Variants in PRKG1 observed in about 807,000 individuals in gnomAD.
PRKG1 encodes protein kinase cGMP-dependent 1, also known as cGMP-dependent protein kinase 1.
Under a neutral mutation model 88.1 loss-of-function variants are expected in PRKG1, and 35 were observed. That is an observed-to-expected ratio of 0.40 (90% CI 0.30 to 0.53). The LOEUF is 0.53. PRKG1 is among the 20% of genes least tolerant of loss of function. PRKG1 has a pLI of 0.59. For missense variants in PRKG1, 540 were observed against 839.8 expected (o/e 0.64, Z 4.41); for synonymous variants, 303 against 292.5 (o/e 1.04, Z -0.37).
chr10:51,736,675 C>T (rs1489537155), intron 3 of PRKG1, among the ~76,000 whole-genome samples: 2 of 150,262 alleles, frequency 1.3e-5, no homozygotes, highest in African/African-American at 4.9e-5. Flanking sequence ...GTGGCGCCTT[C>T]ATAGCTCACT....
At chr10:51,404,969 A>T (rs182731591) in intron 2 of PRKG1, among the ~76,000 whole-genome samples, 26 of 152,326 alleles carry the variant, frequency 1.7e-4, no homozygotes, top group African/African-American at 5.1e-4. Flanking sequence ...TTAAGGAAAA[A>T]AAATCACAAA....
At chr10:51,653,145 C>T (rs1376975706) in intron 3 of PRKG1, among the ~76,000 whole-genome samples, 1 of 152,158 alleles carries the variant, frequency 6.6e-6, no homozygotes, top group African/African-American at 2.4e-5. Context: ...CATATCTTAG[C>T]TTTTGTGAAT....
At chr10:51,049,799 T>C (rs1843538328) in intron 1 of PRKG1, among the ~76,000 whole-genome samples, 1 of 152,208 alleles carries the variant, frequency 6.6e-6, no homozygotes, top group South Asian at 2.1e-4. Context: ...GTATTGTCCA[T>C]TTCAATATAT....
chr10:51,886,971 A>G (rs1841585520), intron 4 of PRKG1, among the ~76,000 whole-genome samples: 1 of 140,060 alleles, frequency 7.1e-6, no homozygotes, highest in Non-Finnish European at 1.6e-5. Flanking sequence ...ACACAGAGCC[A>G]AATGTATGCC....
At chr10:51,374,082 CAA>C (rs769407143) in intron 2 of PRKG1, among the ~76,000 whole-genome samples, 4 of 95,600 alleles carry the variant, frequency 4.2e-5, no homozygotes, top group Non-Finnish European at 4.4e-5. Flanking sequence ...GCAGAGGTTG[CAA>C]AAAAAAAAAA....
intron 3 of PRKG1, among the ~76,000 whole-genome samples, chr10:51,547,654 C>A: frequency 6.6e-6 from 1 of 152,136 alleles, no homozygotes; most frequent in Middle Eastern, 3.4e-3. Flanking sequence ...GAGTAATGGT[C>A]TTTTAAAAAA....
At chr10:51,205,304 A>T (rs1838027735) in intron 2 of PRKG1, among the ~76,000 whole-genome samples, 1 of 149,258 alleles carries the variant, frequency 6.7e-6, no homozygotes, top group African/African-American at 2.5e-5. Flanking sequence ...ATGCCCAGCT[A>T]ATTTTTCCGT....
At chr10:51,789,453 C>T (rs994408520) in intron 3 of PRKG1, among the ~76,000 whole-genome samples, 5 of 152,140 alleles carry the variant, frequency 3.3e-5, no homozygotes, top group Non-Finnish European at 7.4e-5. Flanking sequence ...GAGCCTATTG[C>T]AAATGGATCT....
At chr10:51,430,708 A>G (rs1838736654) in intron 2 of PRKG1, among the ~76,000 whole-genome samples, 1 of 152,216 alleles carries the variant, frequency 6.6e-6, no homozygotes, top group Non-Finnish European at 1.5e-5. Context: ...GTATCTATCA[A>G]CTAGTAAGTG....
chr10:51,256,292 G>A lies in PRKG1; in HGVS notation c.478+102962G>A, dbSNP rs77671803. ...CTTTTAGTAAATATTATGAGATAAAGCCCACTTTTTTTTAGTACTCAACAA... is the reference window on the plus strand; with the variant it reads ...CTTTTAGTAAATATTATGAGATAAAACCCACTTTTTTTTAGTACTCAACAA... On this transcript the variant is annotated intron_variant, in intron 2 of 17. Coordinates refer to ENST00000373980, the MANE Select transcript of PRKG1 (RefSeq NM_006258.4). Among the ~76,000 whole-genome samples, 1,019 of 152,124 alleles carry A rather than the reference G, an allele frequency of 6.7e-3. 9 individuals are homozygous for A. Among genetic ancestry groups the A allele is most frequent in the Non-Finnish European group, 0.01 (708 of 67,992 alleles).
intron 2 of PRKG1, among the ~76,000 whole-genome samples, chr10:51,234,240 C>G (rs901236855): frequency 2.6e-5 from 4 of 152,128 alleles, no homozygotes; most frequent in Non-Finnish European, 5.9e-5. Context: ...TGGAACCCAC[C>G]CGTCTTTCTG....
chr10:52,163,460 TATTA>T (rs1379872802), intron 9 of PRKG1, among the ~76,000 whole-genome samples: 2 of 151,918 alleles, frequency 1.3e-5, no homozygotes, highest in African/African-American at 4.8e-5. Context: ...GTTAAGCAAC[TATTA>T]ATTAATAGAA....
At chr10:51,281,864 A>G (rs1329887410) in intron 2 of PRKG1, among the ~76,000 whole-genome samples, 1 of 152,154 alleles carries the variant, frequency 6.6e-6, no homozygotes, top group African/African-American at 2.4e-5. Flanking sequence ...AAAAGCAGTG[A>G]TTCTCTGCTC....
intron 5 of PRKG1, among the ~76,000 whole-genome samples, chr10:51,989,334 C>G (rs2454551): frequency 0.9 from 136,642 of 152,064 alleles, 61,527 homozygotes; most frequent in East Asian, 1. Context: ...TGTTAGTAGA[C>G]AATAGCATCA....
chr10:51,452,302 G>T (rs879808209), intron 2 of PRKG1, among the ~76,000 whole-genome samples: 4 of 151,882 alleles, frequency 2.6e-5, no homozygotes, highest in Non-Finnish European at 4.4e-5. Context: ...GAATTATATT[G>T]CTCTGGCTAG....
intron 4 of PRKG1, among the ~76,000 whole-genome samples, chr10:51,906,447 A>G (rs1356169296): frequency 2.0e-5 from 3 of 152,182 alleles, no homozygotes; most frequent in South Asian, 4.1e-4. Flanking sequence ...ACAGGCAGAC[A>G]TCCATCAGTA....
intron 3 of PRKG1, among the ~76,000 whole-genome samples, chr10:51,616,396 G>A (rs752202442): frequency 1.3e-5 from 2 of 152,180 alleles, no homozygotes; most frequent in Non-Finnish European, 2.9e-5. Context: ...AGTGTCAGGG[G>A]CAGGATAGTC....
At chr10:51,338,665 CT>C (rs1241290484) in intron 2 of PRKG1, among the ~76,000 whole-genome samples, 1 of 152,096 alleles carries the variant, frequency 6.6e-6, no homozygotes, top group African/African-American at 2.4e-5. Flanking sequence ...GATATTGGTT[CT>C]TTTATTCTAA....
At chr10:51,413,591 C>T (rs939525949) in intron 2 of PRKG1, among the ~76,000 whole-genome samples, 1 of 152,044 alleles carries the variant, frequency 6.6e-6, no homozygotes, top group African/African-American at 2.4e-5. Context: ...GAACTCCTGA[C>T]CTCGTGATCA....
Sources: gnomAD v4.1 joint callset for allele counts (sites outside exome capture counted in the v4.1 genomes callset) on GRCh38, gnomAD v4.1.1 for gene constraint, MANE v1.5 for transcripts, NCBI Gene and HGNC (gene_info 2026-07-23, HGNC 2026-07-21) for gene names.